The following MAN1A2 variants were observed in gnomAD, a reference collection of about 807,000 sequenced individuals.
The protein encoded by MAN1A2 is mannosyl-oligosaccharide 1,2-alpha-mannosidase IB.
A neutral mutation model predicts 75.7 loss-of-function variants in MAN1A2; 26 were observed. The observed-to-expected ratio is 0.34, with a 90% CI of 0.25 to 0.48. The LOEUF is 0.48. MAN1A2 is among the 20% of genes least tolerant of loss of function. The pLI is 0.99. For missense variants in MAN1A2, 562 were observed against 775.5 expected (o/e 0.72, Z 3.27); for synonymous variants, 247 against 264.6 (o/e 0.93, Z 0.65).
intron 3 of MAN1A2, among the ~76,000 whole-genome samples, chr1:117,413,076 A>G (rs1043404170): frequency 6.6e-6 from 1 of 151,978 alleles, no homozygotes; most frequent in Middle Eastern, 3.2e-3. Flanking sequence ...TCAAGAATTT[A>G]TGCAAGAGAT....
At chr1:117,513,781 T>C (rs1252752926) in intron 12 of MAN1A2, among the ~76,000 whole-genome samples, 1 of 152,138 alleles carries the variant, frequency 6.6e-6, no homozygotes, top group African/African-American at 2.4e-5. Flanking sequence ...TTGCCTGCAG[T>C]TTATTGCCCT....
chr1:117,473,169 G>A (rs1029501221), intron 8 of MAN1A2, among the ~76,000 whole-genome samples: 1 of 151,874 alleles, frequency 6.6e-6, no homozygotes, highest in Non-Finnish European at 1.5e-5. Context: ...CTCAAAACCT[G>A]TTATTCCTCC....
At chr1:117,481,398 C>T (rs1290360337) in intron 8 of MAN1A2, among the ~76,000 whole-genome samples, 1 of 151,838 alleles carries the variant, frequency 6.6e-6, no homozygotes, top group African/African-American at 2.4e-5. Flanking sequence ...GGGCTCTGCT[C>T]CCCATCACTT....
At position 117,509,411 on chromosome 1, in the gene MAN1A2, A is replaced by G. The variant is rs182255172; in HGVS notation, c.1793+6441A>G. The stretch of plus-strand genomic sequence containing the variant: ...AGGATGTAAGAATCTAGTCACTTTC[A>G]AACACCCTAAGTGAGAGTACACTGG... On this transcript the variant is annotated intron_variant, in intron 12 of 12. Transcript: ENST00000356554. 5.9e-5 allele frequency among the ~76,000 whole-genome samples: 9 copies of G among 152,042 alleles called. No homozygotes were observed. The East Asian group carries it at 1.6e-3, about 26-fold the overall frequency.
At chr1:117,417,557 A>ATATGTG (rs1214425551) in intron 4 of MAN1A2, among the ~76,000 whole-genome samples, 1 of 140,742 alleles carries the variant, frequency 7.1e-6, no homozygotes, top group African/African-American at 2.6e-5. Context: ...ATATATATAT[A>ATATGTG]TGTGATATAT....
At chr1:117,410,979 C>T (rs1647799724) in intron 3 of MAN1A2, among the ~76,000 whole-genome samples, 1 of 151,514 alleles carries the variant, frequency 6.6e-6, no homozygotes, top group South Asian at 2.1e-4. Context: ...AGAGAAATGC[C>T]ATGTTGATGA....
At chr1:117,435,395 G>A (rs771413912) in intron 5 of MAN1A2, among the ~76,000 whole-genome samples, 3 of 152,148 alleles carry the variant, frequency 2.0e-5, no homozygotes, top group Admixed American at 1.3e-4. Flanking sequence ...GGAAGAACTC[G>A]TGAATAATAA....
intron 6 of MAN1A2, among the ~76,000 whole-genome samples, chr1:117,445,912 A>G (rs2101817869): frequency 7.0e-6 from 1 of 143,690 alleles, no homozygotes; most frequent in East Asian, 2.0e-4. Flanking sequence ...ATATATGTAA[A>G]TTTATATGTA....
chr1:117,516,018 C>T (rs1462894257), intron 12 of MAN1A2: 1 of 152,010 alleles, frequency 6.6e-6, no homozygotes, highest in Non-Finnish European at 1.5e-5. Context: ...ACTTTAACTC[C>T]AACCTCCTCT....
At chr1:117,397,344 G>A (rs1245280465) in intron 1 of MAN1A2, among the ~76,000 whole-genome samples, 1 of 152,076 alleles carries the variant, frequency 6.6e-6, no homozygotes, top group Admixed American at 6.6e-5. Flanking sequence ...TAACAAGTGG[G>A]ATAAGATGAT....
chr1:117,417,132 C>T (rs1019728087), intron 4 of MAN1A2, among the ~76,000 whole-genome samples: 8 of 152,068 alleles, frequency 5.3e-5, no homozygotes, highest in African/African-American at 1.9e-4. Flanking sequence ...AGTTCCAACT[C>T]CCATATACCA....
At chr1:117,428,796 T>TC (rs945040331) in intron 5 of MAN1A2, among the ~76,000 whole-genome samples, 5 of 146,688 alleles carry the variant, frequency 3.4e-5, no homozygotes, top group African/African-American at 1.2e-4. Flanking sequence ...TTTTTTTTTT[T>TC]TTTTTTTTTT....
intron 12 of MAN1A2, among the ~76,000 whole-genome samples, chr1:117,513,899 C>G (rs2101891489): frequency 6.6e-6 from 1 of 152,212 alleles, no homozygotes; most frequent in East Asian, 1.9e-4. Context: ...GCTAACTTAG[C>G]TACTTTTTCT....
At chr1:117,508,407 A>G (rs552363505) in intron 12 of MAN1A2, among the ~76,000 whole-genome samples, 1 of 151,762 alleles carries the variant, frequency 6.6e-6, no homozygotes, top group East Asian at 1.9e-4. Context: ...CACTGGTATC[A>G]GAGTCTCTGG....
chr1:117,400,900 A>G (rs544561906), intron 1 of MAN1A2, among the ~76,000 whole-genome samples: 36 of 152,284 alleles, frequency 2.4e-4, no homozygotes, highest in African/African-American at 7.7e-4. Flanking sequence ...TAATGTGTAC[A>G]ATTCAGTAGC....
rs1227404401 is a variant in MAN1A2, at chr1:117,474,553, T to C, written c.1168+8126T>C. On this transcript the variant is annotated intron_variant, in intron 8 of 12. Transcript: ENST00000356554. Reference sequence around the variant, plus strand: ...ATCTTTAGTAAAAATAGTATTTATATAGATTTAAAAAATTTCAGTTTGAGA... The same window carrying C: ...ATCTTTAGTAAAAATAGTATTTATACAGATTTAAAAAATTTCAGTTTGAGA... Among the ~76,000 whole-genome samples, 3 of 151,930 alleles carry C rather than the reference T, an allele frequency of 2.0e-5. No individual in the cohort carries two copies. In the South Asian group the frequency reaches 6.2e-4, roughly 32 times the overall value.
At chr1:117,379,994 G>T (rs1008715916) in intron 1 of MAN1A2, among the ~76,000 whole-genome samples, 4 of 151,986 alleles carry the variant, frequency 2.6e-5, no homozygotes, top group African/African-American at 9.7e-5. Flanking sequence ...CAGTTCTCTT[G>T]GTTATATACC....
chr1:117,514,746 G>A, intron 12 of MAN1A2: 2 of 500,040 alleles, frequency 4.0e-6, no homozygotes, highest in Non-Finnish European at 4.1e-6. Context: ...CATTGTGGGT[G>A]AGGATTCTCA....
chr1:117,495,359 T>C (rs1651007771), intron 9 of MAN1A2, among the ~76,000 whole-genome samples: 1 of 151,908 alleles, frequency 6.6e-6, no homozygotes, highest in African/African-American at 2.4e-5. Context: ...TTTCAAAAAC[T>C]ATTCTATTAG....
Sources: gnomAD v4.1 joint callset for allele counts (sites outside exome capture counted in the v4.1 genomes callset) on GRCh38, gnomAD v4.1.1 for gene constraint, MANE v1.5 for transcripts, NCBI Gene and HGNC (gene_info 2026-07-23, HGNC 2026-07-21) for gene names.